IDO2: variants seen among roughly 807,000 people sequenced by gnomAD.
The protein encoded by IDO2 is indoleamine 2,3-dioxygenase-like 1 protein.
A neutral mutation model predicts 45.1 loss-of-function variants in IDO2; 46 were observed. That is an observed-to-expected ratio of 1.02 (90% CI 0.80 to 1.30). IDO2 has a LOEUF of 1.30. Among genes scored for constraint, IDO2 ranks in the 50% most tolerant of loss-of-function variants. The pLI is 0.00. For synonymous variants in IDO2, 218 were observed against 184.9 expected (o/e 1.18, Z -1.45); for missense variants, 544 against 491.8 (o/e 1.11, Z -1.00).
chr8:39,970,968 T>G (rs369081238), intron 3 of IDO2, among the ~76,000 whole-genome samples: 1 of 152,034 alleles, frequency 6.6e-6, no homozygotes, highest in South Asian at 2.1e-4. Flanking sequence ...GGTTTCACCA[T>G]GTTGGCCAAG....
chr8:39,971,913 A>G (rs2129594128), intron 3 of IDO2, among the ~76,000 whole-genome samples: 1 of 152,168 alleles, frequency 6.6e-6, no homozygotes, highest in African/African-American at 2.4e-5. Flanking sequence ...GGTTCAAGCA[A>G]GTCTCCTGCC....
chr8:39,999,862 T>G (rs1802108075), intron 8 of IDO2, among the ~76,000 whole-genome samples: 1 of 152,196 alleles, frequency 6.6e-6, no homozygotes, highest in South Asian at 2.1e-4. Context: ...GAGAATATTC[T>G]CCGTAAACAT....
chr8:39,967,538 G>T (rs978281636), intron 3 of IDO2, among the ~76,000 whole-genome samples: 16 of 152,014 alleles, frequency 1.1e-4, no homozygotes, highest in African/African-American at 3.9e-4. Context: ...GCCCAGGCTG[G>T]AGTGCAGTGG....
intron 1 of IDO2, among the ~76,000 whole-genome samples, chr8:39,936,221 G>A (rs1807547477): frequency 6.6e-6 from 1 of 152,126 alleles, no homozygotes; most frequent in Admixed American, 6.5e-5. Context: ...ACAAGGTACT[G>A]TAGATGCATT....
intron 9 of IDO2, among the ~76,000 whole-genome samples, chr8:40,006,158 C>T (rs1802216535): frequency 6.6e-6 from 1 of 152,186 alleles, no homozygotes; most frequent in Admixed American, 6.5e-5. Context: ...CAACTCAATA[C>T]AGTTTGACTT....
intron 1 of IDO2, among the ~76,000 whole-genome samples, chr8:39,940,734 C>T (rs1027972210): frequency 6.6e-6 from 1 of 152,000 alleles, no homozygotes; most frequent in African/African-American, 2.4e-5. Context: ...CCTGTCCCTC[C>T]TCCCCCTATT....
intron 2 of IDO2, among the ~76,000 whole-genome samples, chr8:39,958,186 C>T (rs2001211): frequency 0.19 from 28,674 of 151,110 alleles, 2,706 homozygotes; most frequent in East Asian, 0.27. Flanking sequence ...ATTACAGGCG[C>T]GAGCCACCGC....
Position 40,012,605 on chromosome 8 carries a change from C to T in IDO2, c.720-960C>T, listed in dbSNP as rs536870032. On this transcript the variant is annotated intron_variant, in intron 9 of 10. Coordinates refer to ENST00000502986, the Ensembl canonical transcript of IDO2. ...TTTGGACACATTATAAAGTCACCCC[C>T]ACAAACTGTGATTGTTCAAGACTAT... Among the ~76,000 whole-genome samples the T allele has an allele frequency of 1.9e-4, 29 of 152,288 alleles. No individual in the cohort carries two copies. The East Asian group carries it at 5.2e-3, about 27-fold the overall frequency.
intron 9 of IDO2, among the ~76,000 whole-genome samples, chr8:40,007,709 C>A (rs4736968): frequency 3.3e-5 from 5 of 152,114 alleles, no homozygotes; most frequent in Middle Eastern, 3.4e-3. Flanking sequence ...TCCCTTGTTA[C>A]GTAACAATTT....
intron 4 of IDO2, among the ~76,000 whole-genome samples, chr8:39,980,608 C>A (rs555358259): frequency 6.6e-6 from 1 of 152,060 alleles, no homozygotes; most frequent in Non-Finnish European, 1.5e-5. Context: ...TAGAACTCCA[C>A]GGTGAAGAGA....
At chr8:39,980,641 G>T (rs1011570366) in intron 4 of IDO2, among the ~76,000 whole-genome samples, 1 of 152,174 alleles carries the variant, frequency 6.6e-6, no homozygotes, top group Non-Finnish European at 1.5e-5. Flanking sequence ...CATCGTGTTT[G>T]CCTGATTGAT....
chr8:39,972,059 C>T (rs1808187498), intron 3 of IDO2, among the ~76,000 whole-genome samples: 1 of 152,170 alleles, frequency 6.6e-6, no homozygotes, highest in South Asian at 2.1e-4. Flanking sequence ...ATCCACCCAC[C>T]TTGGCCTCCC....
chr8:39,965,050 A>G (rs940043456), intron 3 of IDO2, among the ~76,000 whole-genome samples: 2 of 152,250 alleles, frequency 1.3e-5, no homozygotes, highest in Non-Finnish European at 2.9e-5. Context: ...GGCATTTACC[A>G]GGCTTTATTT....
chr8:39,945,886 T>G (rs139376262), intron 1 of IDO2, among the ~76,000 whole-genome samples: 3 of 152,334 alleles, frequency 2.0e-5, no homozygotes, highest in African/African-American at 4.8e-5. Context: ...CTGTCCTTAT[T>G]CATTCCCGGG....
At position 39,982,893 on chromosome 8, in the gene IDO2, G is replaced by T. The variant is rs1418613943; in HGVS notation, c.434+123G>T. 6.5e-6 allele frequency: 4 copies of T among 617,756 alleles called. No individual in the cohort carries two copies. In the East Asian group the frequency reaches 1.2e-4, roughly 18 times the overall value. The allele number at this position is 617,756 out of a possible 1,614,324, so 38.3% of individuals were successfully genotyped here. On this transcript the variant is annotated intron_variant, in intron 5 of 10. Transcript: ENST00000502986. The stretch of plus-strand genomic sequence containing the variant: ...CCGTATGGTTCCAAAGAAGGGGTGA[G>T]CTTGACCAAAAATTCAAATATCACA...
At chr8:39,967,115 G>A (rs2129593962) in intron 3 of IDO2, among the ~76,000 whole-genome samples, 1 of 152,256 alleles carries the variant, frequency 6.6e-6, no homozygotes, top group East Asian at 1.9e-4. Flanking sequence ...GGACTTCCTT[G>A]ATAAATTTCA....
chr8:39,972,806 C>A (rs1337391881), intron 3 of IDO2, among the ~76,000 whole-genome samples: 7 of 152,016 alleles, frequency 4.6e-5, no homozygotes, highest in African/African-American at 1.2e-4. Context: ...CAAAGCAGGG[C>A]TCTCCACCAG....
chr8:39,984,269 G>A (rs1808392681), intron 5 of IDO2, among the ~76,000 whole-genome samples: 1 of 152,122 alleles, frequency 6.6e-6, no homozygotes, highest in Admixed American at 6.5e-5. Flanking sequence ...GAGATCAGGA[G>A]TTTGAGACCA....
intron 2 of IDO2, 21 bp from the exon 3 acceptor site, chr8:39,963,587 A>T (rs759168874): frequency 2.7e-6 from 4 of 1,481,118 alleles, no homozygotes; most frequent in Non-Finnish European, 3.7e-6. Context: ...AAATATTTAC[A>T]TGTTTCTATT....
Sources: allele counts gnomAD v4.1 joint callset (sites outside exome capture counted in the v4.1 genomes callset), GRCh38; gene constraint gnomAD v4.1.1; transcripts MANE v1.5; gene names NCBI Gene and HGNC (gene_info 2026-07-23, HGNC 2026-07-21).